The following FAM168A variants were observed in gnomAD, a reference collection of about 807,000 sequenced individuals.
FAM168A encodes family with sequence similarity 168 member A.
A neutral mutation model predicts 28.5 loss-of-function variants in FAM168A; 3 were observed. That is an observed-to-expected ratio of 0.11 (90% CI 0.05 to 0.27). The LOEUF is 0.27. Among genes scored for constraint, FAM168A ranks in the 10% least tolerant of loss-of-function variants. The pLI, the probability that FAM168A is intolerant of heterozygous loss-of-function variation, is 1.00. For missense variants in FAM168A, 222 were observed against 311.5 expected (o/e 0.71, Z 2.16); for synonymous variants, 122 against 124.2 (o/e 0.98, Z 0.12).
intron 1 of FAM168A, among the ~76,000 whole-genome samples, chr11:73,512,276 A>G (rs1376196069): frequency 1.3e-5 from 2 of 152,214 alleles, no homozygotes; most frequent in African/African-American, 4.8e-5. Context: ...CCTGATGAGT[A>G]GGTATTATTA....
chr11:73,470,044 TG>T (rs1350423679), intron 1 of FAM168A, among the ~76,000 whole-genome samples: 1 of 152,070 alleles, frequency 6.6e-6, no homozygotes, highest in Admixed American at 6.6e-5. Flanking sequence ...CCCGAGTAGC[TG>T]GGACTACAGG....
intron 4 of FAM168A, among the ~76,000 whole-genome samples, chr11:73,412,824 C>T (rs535258564): frequency 2.0e-5 from 3 of 152,296 alleles, no homozygotes; most frequent in African/African-American, 7.2e-5. Flanking sequence ...GCTCTTTCAC[C>T]TATAAGATGC....
intron 1 of FAM168A, among the ~76,000 whole-genome samples, chr11:73,541,387 CT>C (rs1943655061): frequency 8.9e-6 from 1 of 112,900 alleles, no homozygotes. Flanking sequence ...TTTTTTTTTT[CT>C]TTGAGACAGA....
intron 1 of FAM168A, among the ~76,000 whole-genome samples, chr11:73,544,711 AATTAT>A (rs1362181027): frequency 8.3e-6 from 1 of 120,088 alleles, no homozygotes; most frequent in Non-Finnish European, 1.6e-5. Flanking sequence ...AATTATATAT[AATTAT>A]ATATTTTATA....
At chr11:73,478,842 C>T (rs1002430109) in intron 1 of FAM168A, among the ~76,000 whole-genome samples, 1 of 152,102 alleles carries the variant, frequency 6.6e-6, no homozygotes, top group Admixed American at 6.6e-5. Flanking sequence ...CAATATAGTA[C>T]TGTTGTTATA....
chr11:73,546,019 A>G (rs1349591776), intron 1 of FAM168A, among the ~76,000 whole-genome samples: 1 of 152,156 alleles, frequency 6.6e-6, no homozygotes, highest in Non-Finnish European at 1.5e-5. Flanking sequence ...CACTACCTCA[A>G]TCTAGGGCTC....
intron 1 of FAM168A, among the ~76,000 whole-genome samples, chr11:73,548,375 A>G (rs1943786132): frequency 1.3e-5 from 2 of 152,328 alleles, no homozygotes; most frequent in African/African-American, 4.8e-5. Flanking sequence ...TATTTCGCCC[A>G]ACTGTGACTA....
chr11:73,590,901 G>A (rs908211634), intron 1 of FAM168A, among the ~76,000 whole-genome samples: 3 of 152,188 alleles, frequency 2.0e-5, no homozygotes, highest in Non-Finnish European at 4.4e-5. Flanking sequence ...CCAGCACTTT[G>A]GGAGGCCGAG....
intron 1 of FAM168A, among the ~76,000 whole-genome samples, chr11:73,497,665 C>T (rs915413265): frequency 2.6e-5 from 4 of 152,014 alleles, no homozygotes; most frequent in Non-Finnish European, 1.5e-5. Context: ...GAAAACCAAA[C>T]ACCACACGTT....
At chr11:73,510,166 G>A (rs1855192295) in intron 1 of FAM168A, among the ~76,000 whole-genome samples, 1 of 152,036 alleles carries the variant, frequency 6.6e-6, no homozygotes, top group African/African-American at 2.4e-5. Flanking sequence ...TGGAACCTTG[G>A]ATCCATCTAT....
intron 1 of FAM168A, among the ~76,000 whole-genome samples, chr11:73,550,503 A>G (rs1425824432): frequency 6.6e-6 from 1 of 152,052 alleles, no homozygotes; most frequent in Non-Finnish European, 1.5e-5. Flanking sequence ...AAAAATACAA[A>G]AATTAGCCAG....
chr11:73,590,172 CAGG>C (rs922170072), intron 1 of FAM168A, among the ~76,000 whole-genome samples: 6 of 151,874 alleles, frequency 4.0e-5, no homozygotes, highest in African/African-American at 4.8e-5. Flanking sequence ...GAGGCTGAGG[CAGG>C]AGAATTGCTT....
chr11:73,526,088 T>C (rs532890303), intron 1 of FAM168A, among the ~76,000 whole-genome samples: 7 of 152,146 alleles, frequency 4.6e-5, no homozygotes, highest in Non-Finnish European at 8.8e-5. Context: ...GTTTCATAAA[T>C]AAAAATCAAA....
intron 1 of FAM168A, among the ~76,000 whole-genome samples, chr11:73,540,725 T>A (rs1013404609): frequency 1.3e-5 from 2 of 152,182 alleles, no homozygotes; most frequent in African/African-American, 4.8e-5. Context: ...TGTTTCCTTA[T>A]CTTGCTTTAT....
At chr11:73,511,846 C>T (rs1364710324) in intron 1 of FAM168A, among the ~76,000 whole-genome samples, 2 of 152,194 alleles carry the variant, frequency 1.3e-5, no homozygotes, top group African/African-American at 4.8e-5. Flanking sequence ...ACATGAGAAG[C>T]ACATTTCAGC....
chr11:73,587,166 A>C lies in FAM168A; in HGVS notation c.-19+10757T>G, dbSNP rs1014372747. Among the ~76,000 whole-genome samples the C allele has an allele frequency of 3.3e-5, 5 of 149,734 alleles. No homozygotes were observed. In the South Asian group the frequency reaches 6.3e-4, roughly 19 times the overall value. On this transcript the variant is annotated intron_variant, in intron 1 of 7. Transcript: ENST00000356467. ...CATGGACATGTTAAAAAAAAAAAAA[A>C]AAAAAAAAAAAACTAAGTTTCAGTT...
At chr11:73,496,252 C>T (rs750359749) in intron 1 of FAM168A, among the ~76,000 whole-genome samples, 4 of 152,144 alleles carry the variant, frequency 2.6e-5, no homozygotes, top group Admixed American at 6.5e-5. Context: ...ACTTATATGA[C>T]GTATCCAAAG....
Position 73,577,062 on chromosome 11 carries a change from G to C in FAM168A, c.-19+20861C>G, listed in dbSNP as rs1402308495. ...AGACACTACCTAACAGCTAACCTGT[G>C]CTGAACCGCATCACGGAATAGAGAA... On this transcript the variant is annotated intron_variant, in intron 1 of 7. Coordinates refer to ENST00000356467, the MANE Select transcript of FAM168A (RefSeq NM_015159.3). Among the ~76,000 whole-genome samples, 3 of 152,150 alleles carry C rather than the reference G, an allele frequency of 2.0e-5. No individual in the cohort carries two copies. The East Asian group carries it at 5.8e-4, about 29-fold the overall frequency.
intron 2 of FAM168A, among the ~76,000 whole-genome samples, chr11:73,443,393 A>G (rs965752254): frequency 2.6e-5 from 4 of 152,198 alleles, no homozygotes; most frequent in Non-Finnish European, 4.4e-5. Flanking sequence ...TGAGAAAGAC[A>G]AGCAAGAACA....
Sources: gnomAD v4.1 joint callset for allele counts (sites outside exome capture counted in the v4.1 genomes callset) on GRCh38, gnomAD v4.1.1 for gene constraint, MANE v1.5 for transcripts, NCBI Gene and HGNC (gene_info 2026-07-23, HGNC 2026-07-21) for gene names.